Variants in ABR observed in about 807,000 individuals in gnomAD.
The protein encoded by ABR is active breakpoint cluster region-related protein.
In ABR, 35 loss-of-function variants were observed where a neutral mutation model predicts 107.2. The observed-to-expected ratio is 0.33, with a 90% CI of 0.25 to 0.43. The LOEUF (loss-of-function observed/expected upper bound fraction) is 0.43, where lower values mean the gene tolerates loss of function less well. Ranked by LOEUF, ABR falls within the 20% of genes least tolerant of loss-of-function variation. The probability of loss-of-function intolerance (pLI) is 1.00; values close to 1 mark genes in which losing one functional copy is unlikely to be tolerated. For missense variants in ABR, 815 were observed against 1,115.2 expected (o/e 0.73, Z 3.83); for synonymous variants, 498 against 462.0 (o/e 1.08, Z -1.00).
chr17:1,005,150 T>G lies in ABR; in HGVS notation c.*930A>C, dbSNP rs2069929312. 1.3e-5 allele frequency: 5 copies of G among 398,576 alleles called. No individual in the cohort carries two copies. The highest frequency in any genetic ancestry group is 2.5e-4 in the South Asian group (2 of 7,858). The allele number at this position is 398,576 out of a possible 1,614,324, so 24.7% of individuals were successfully genotyped here. ...GTGTTTCCTCAGCAGCCTGACCGCC[T>G]CCTCCCCCATTCTCTCCTGACCCTC... On this transcript the variant is annotated 3_prime_UTR_variant, in exon 23 of 23. Coordinates refer to ENST00000302538, the MANE Select transcript of ABR (RefSeq NM_021962.5).
chr17:1,210,139 TAAC>T lies in ABR; in HGVS notation c.838+18651_838+18653del, dbSNP rs2042873764. On this transcript the variant is annotated intron_variant, in intron 1 of 22. Coordinates refer to the ABR transcript ENST00000574139. This position sits in a 1 kb window ranked among gnomAD's most constrained non-coding sequence, Gnocchi z 5.6. Reference sequence around the variant, plus strand: ...ACAGGGAGAAAGTAGAGGTAGAAAGTAACAGAATCTAGAGAGGCGGAAGCTCAG... The same window carrying T: ...ACAGGGAGAAAGTAGAGGTAGAAAGTAGAATCTAGAGAGGCGGAAGCTCAG... Among the ~76,000 whole-genome samples the T allele has an allele frequency of 6.6e-6, 1 of 152,208 alleles. No individual in the cohort carries two copies. The highest frequency in any genetic ancestry group is 2.1e-4 in the South Asian group (1 of 4,834).
chr17:1,018,278 G>A (rs112936857), intron 16 of ABR, among the ~76,000 whole-genome samples: 1,753 of 151,938 alleles, frequency 0.012, 25 homozygotes, highest in African/African-American at 0.037. Flanking sequence ...TCCTGACCTC[G>A]TGATTCGCCC....
At chr17:1,022,125 A>AAAAAAAAAAAAAAAC (rs2071735661) in intron 16 of ABR, among the ~76,000 whole-genome samples, 2 of 150,886 alleles carry the variant, frequency 1.3e-5, no homozygotes, top group Admixed American at 6.6e-5. Flanking sequence ...AAAAAAAAAA[A>AAAAAAAAAAAAAAAC]CAGAAAATGA....
intron 1 of ABR, among the ~76,000 whole-genome samples, chr17:1,171,885 G>T (rs945779861): frequency 2.0e-5 from 3 of 152,218 alleles, no homozygotes; most frequent in African/African-American, 7.2e-5. Context: ...AGCCGAGATC[G>T]CACCACTGCA....
intron 2 of ABR, among the ~76,000 whole-genome samples, chr17:1,124,493 G>A (rs192426215): frequency 6.6e-6 from 1 of 152,180 alleles, no homozygotes; most frequent in Non-Finnish European, 1.5e-5. Flanking sequence ...ATGTGTCTCC[G>A]ACAGGCACAC....
intron 2 of ABR, among the ~76,000 whole-genome samples, chr17:1,105,855 G>C (rs1194291240): frequency 1.3e-5 from 2 of 149,012 alleles, no homozygotes; most frequent in East Asian, 4.0e-4. Context: ...GACAGAGTGA[G>C]ACTCTGTCTC....
chr17:1,106,933 A>G (rs2038292863), intron 2 of ABR, among the ~76,000 whole-genome samples: 1 of 152,180 alleles, frequency 6.6e-6, no homozygotes. Flanking sequence ...TCATCTCTAC[A>G]GTGCCAGGCA....
exon 1 of ABR, chr17:1,187,273 G>GT (rs1461273373): frequency 6.6e-6 from 1 of 152,446 alleles, no homozygotes; most frequent in Non-Finnish European, 1.5e-5. Flanking sequence ...CGTGTGTGCT[G>GT]TGTCTCTTTA....
At chr17:1,135,274 T>C (rs2040008313) in intron 1 of ABR, among the ~76,000 whole-genome samples, 1 of 152,208 alleles carries the variant, frequency 6.6e-6, no homozygotes, top group African/African-American at 2.4e-5. Context: ...CGTGCAGGAC[T>C]CAGTGAGGAT....
At position 1,217,951 on chromosome 17, in the gene ABR, T is replaced by C. The variant is rs1197414784; in HGVS notation, c.838+10842A>G. Among the ~76,000 whole-genome samples, 4 of 152,096 alleles carry C rather than the reference T, an allele frequency of 2.6e-5. No homozygotes were observed. In the East Asian group the frequency reaches 7.7e-4, roughly 29 times the overall value. On this transcript the variant is annotated intron_variant, in intron 1 of 22. Transcript: ENST00000574139. ...CTCAGGTGATCCGCCCGCCTCGGCC[T>C]CCCAAAGTGCTGGCATTACAGGAAC...
rs562407303 is a variant in ABR, at chr17:1,125,445, C to T, written c.62-78G>A. Reference sequence around the variant, plus strand: ...GGACTGGTAGCGTAGTGGGCGCCGGCGGCGGCCCCCGGCAGCCATGGCCCC... The same window carrying T: ...GGACTGGTAGCGTAGTGGGCGCCGGTGGCGGCCCCCGGCAGCCATGGCCCC... On this transcript the variant is annotated intron_variant, in intron 1 of 22. Transcript: ENST00000302538. 6.8e-5 allele frequency: 105 copies of T among 1,546,746 alleles called. 1 individual carries two copies. The African/African-American group carries it at 8.7e-4, about 13-fold the overall frequency.
chr17:1,120,561 G>A (rs747636037), intron 2 of ABR, among the ~76,000 whole-genome samples: 5 of 152,190 alleles, frequency 3.3e-5, no homozygotes, highest in Admixed American at 6.5e-5. Flanking sequence ...TGACAGGCGT[G>A]AGCCACCGCA....
chr17:1,046,880 G>A (rs1440438025), intron 16 of ABR, among the ~76,000 whole-genome samples: 1 of 152,170 alleles, frequency 6.6e-6, no homozygotes, highest in African/African-American at 2.4e-5. Context: ...AGGATCACAC[G>A]AGGAGATGGC....
At chr17:1,216,677 G>A (rs1210980475) in intron 1 of ABR, among the ~76,000 whole-genome samples, 1 of 152,160 alleles carries the variant, frequency 6.6e-6, no homozygotes, top group Non-Finnish European at 1.5e-5. Context: ...CCTGGGGCCG[G>A]CCACGTGCCA....
At chr17:1,028,868 T>C (rs2072464857) in intron 16 of ABR, among the ~76,000 whole-genome samples, 1 of 150,564 alleles carries the variant, frequency 6.6e-6, no homozygotes, top group Non-Finnish European at 1.5e-5. Context: ...GACAGACAAA[T>C]GCTTCTGGAC....
intron 16 of ABR, among the ~76,000 whole-genome samples, chr17:1,025,929 G>A (rs2072159003): frequency 6.6e-6 from 1 of 152,206 alleles, no homozygotes; most frequent in African/African-American, 2.4e-5. Context: ...ATGGGGGAAG[G>A]AGGTGACAAT....
At chr17:1,220,630 C>T (rs2043103262) in intron 1 of ABR, among the ~76,000 whole-genome samples, 1 of 152,122 alleles carries the variant, frequency 6.6e-6, no homozygotes, top group Admixed American at 6.6e-5. Context: ...ACGACGAGTC[C>T]CTGTGACTAC....
At chr17:1,215,088 T>C (rs191317932) in intron 1 of ABR, among the ~76,000 whole-genome samples, 102 of 150,634 alleles carry the variant, frequency 6.8e-4, no homozygotes, top group African/African-American at 2.4e-3. Flanking sequence ...GGCGTGATGG[T>C]GTGTGCCTGT....
intron 16 of ABR, among the ~76,000 whole-genome samples, chr17:1,019,631 G>A (rs1467943753): frequency 6.6e-6 from 1 of 152,282 alleles, no homozygotes; most frequent in Non-Finnish European, 1.5e-5. Context: ...TTTAAACACA[G>A]AGGAGGGAGG....
Sources: gnomAD v4.1 joint callset for allele counts (sites outside exome capture counted in the v4.1 genomes callset) on GRCh38, gnomAD v4.1.1 for gene constraint, Gnocchi (gnomAD v3.1) non-coding constraint, MANE v1.5 for transcripts, NCBI Gene and HGNC (gene_info 2026-07-23, HGNC 2026-07-21) for gene names.